Variants in SLC2A3 observed in about 807,000 individuals in gnomAD.
SLC2A3 encodes the protein solute carrier family 2 member 3.
In SLC2A3, 21 loss-of-function variants were observed where a neutral mutation model predicts 46.4. The ratio of observed to expected loss-of-function variants is 0.45; its 90% CI spans 0.32 to 0.65. The LOEUF is 0.65. Ranked by LOEUF, SLC2A3 falls within the 30% of genes least tolerant of loss-of-function variation. SLC2A3 has a pLI of 0.04. For synonymous variants in SLC2A3, 213 were observed against 239.4 expected, an observed-to-expected ratio of 0.89 and a Z score of 1.02; for missense variants, 499 against 623.3, an observed-to-expected ratio of 0.80 and a Z score of 2.12.
At chr12:7,929,407 C>A in intron 6 of SLC2A3, 1 of 426,444 alleles carries the variant, frequency 2.3e-6, no homozygotes, top group Non-Finnish European at 4.1e-6. Flanking sequence ...TAAAAACAGA[C>A]TGGTAAAGTC....
At position 7,930,542 on chromosome 12, in the gene SLC2A3, A is replaced by T. The variant is rs1459332674; in HGVS notation, c.611T>A (p.Phe204Tyr). 5 of 1,613,916 alleles carry T rather than the reference A, an allele frequency of 3.1e-6. No homozygotes were observed. The highest frequency in any genetic ancestry group is 4.2e-6 in the Non-Finnish European group (5 of 1,179,926). ...CAAAAATCTGGGACTTTCAGGGCAAAATGGAAGGGCTGCACTTTGTAGGAT... is the reference window on the plus strand; with the variant it reads ...CAAAAATCTGGGACTTTCAGGGCAATATGGAAGGGCTGCACTTTGTAGGAT... ...PAILQSAALP[F>Y]CPESPRFLLI... Residue 204 changes from phenylalanine to tyrosine, a missense_variant, in exon 5 of 10, where the codon TTT becomes TAT. This residue lies in a region of SLC2A3 where 248 missense variants were observed against 284.0 expected (regional missense o/e 0.87). Transcript: ENST00000075120.
intron 2 of SLC2A3, 112 bp downstream of exon 2, chr12:7,933,698 G>A: frequency 9.0e-7 from 1 of 1,115,266 alleles, no homozygotes; most frequent in South Asian, 1.4e-5. Flanking sequence ...GGAGTAGCTG[G>A]GACTCCAGGC....
At chr12:7,929,239 G>A (rs1669028739) in intron 6 of SLC2A3, among the ~76,000 whole-genome samples, 2 of 152,026 alleles carry the variant, frequency 1.3e-5, no homozygotes, top group South Asian at 4.2e-4. Flanking sequence ...GAAGGCACAG[G>A]AATACTCTCT....
At chr12:7,924,226 G>A (rs769974979) in intron 8 of SLC2A3, among the ~76,000 whole-genome samples, 184 bp downstream of exon 8, 4 of 152,152 alleles carry the variant, frequency 2.6e-5, no homozygotes, top group Admixed American at 1.3e-4. Flanking sequence ...ATAAATGTAA[G>A]GATTCTAACA....
intron 1 of SLC2A3, among the ~76,000 whole-genome samples, chr12:7,934,828 C>G (rs1946196524): frequency 6.6e-6 from 1 of 152,168 alleles, no homozygotes; most frequent in Non-Finnish European, 1.5e-5. Context: ...GTCTCAGTCC[C>G]AGCTAAGCAT....
rs1459206543 is a variant in SLC2A3, at chr12:7,923,942, A to G, written c.1068+468T>C. On this transcript the variant is annotated intron_variant, in intron 8 of 9. Transcript: ENST00000075120. ...CACCACCACTCCTGGCTAATTTTCT[A>G]TTTTTAATAGAGACGGGGTTTCTCC... Among the ~76,000 whole-genome samples the G allele has an allele frequency of 4.6e-5, 7 of 151,142 alleles. 1 individual carries two copies. The highest frequency in any genetic ancestry group is 6.6e-5 in the Admixed American group (1 of 15,154).
chr12:7,931,880 ATTTTTT>A (rs58764879), intron 3 of SLC2A3, among the ~76,000 whole-genome samples: 2 of 108,098 alleles, frequency 1.9e-5, no homozygotes. Context: ...TCTAATTGGC[ATTTTTT>A]TTTTTTTTTT....
chr12:7,928,113 G>T (rs979902066), intron 6 of SLC2A3, among the ~76,000 whole-genome samples: 6 of 150,704 alleles, frequency 4.0e-5, no homozygotes, highest in Non-Finnish European at 8.9e-5. Context: ...CTCAAAAAAA[G>T]GATGGGCCAG....
chr12:7,925,229 T>A (rs1461683453), intron 7 of SLC2A3: 4 of 152,550 alleles, frequency 2.6e-5, no homozygotes. Context: ...AGGAAACAAT[T>A]TTCCTGAGTT....
Position 7,922,922 on chromosome 12 carries a change from C to T in SLC2A3, c.1171G>A (p.Glu391Lys). ...GGGCGGGGGCCCTGGCTGAAGAGTTCGGCCACAATAAACCAGGGAATGGGG... is the reference window on the plus strand; with the variant it reads ...GGGCGGGGGCCCTGGCTGAAGAGTTTGGCCACAATAAACCAGGGAATGGGG... Reference protein sequence around the residue: ...PGPIPWFIVAELFSQGPRPAA... With the variant: ...PGPIPWFIVAKLFSQGPRPAA... Residue 391 changes from glutamate to lysine, a missense_variant, in exon 9 of 10, where the codon GAA becomes AAA. By Grantham distance (56) the Glu-to-Lys change is moderately conservative. This residue lies in a region of SLC2A3 where 179 missense variants were observed against 205.1 expected (regional missense o/e 0.87). Transcript: ENST00000075120. 5 of 1,614,122 alleles carry T rather than the reference C, an allele frequency of 3.1e-6. No individual in the cohort carries two copies. The highest frequency in any genetic ancestry group is 4.2e-6 in the Non-Finnish European group (5 of 1,180,032).
intron 6 of SLC2A3, among the ~76,000 whole-genome samples, chr12:7,926,713 G>C (rs1946099023): frequency 6.6e-6 from 1 of 152,062 alleles, no homozygotes; most frequent in Non-Finnish European, 1.5e-5. Context: ...AACATTGATA[G>C]GGACATCGAT....
At chr12:7,924,672 C>T (rs1946075649) in intron 7 of SLC2A3, among the ~76,000 whole-genome samples, 161 bp from the exon 8 acceptor site, 1 of 136,108 alleles carries the variant, frequency 7.3e-6, no homozygotes, top group Non-Finnish European at 1.5e-5. Flanking sequence ...ATTCACAGGT[C>T]CTGGCTCAAA....
chr12:7,930,469 AG>A lies in SLC2A3; in HGVS notation c.673+10del, dbSNP rs1315911087. ...ATATAATTCATGTAGTAAGGTGTGA[AG>A]GATACTCACTCTGCTTAGCATTCTC... On this transcript the variant is annotated intron_variant, in intron 5 of 9. Coordinates refer to ENST00000075120, the MANE Select transcript of SLC2A3 (RefSeq NM_006931.3). 1 of 1,611,720 alleles carries A rather than the reference AG, an allele frequency of 6.2e-7. No individual in the cohort carries two copies. Among genetic ancestry groups the A allele is most frequent in the Admixed American group, 1.7e-5 (1 of 59,908 alleles).
At chr12:7,933,712 T>C (rs750954006) in intron 2 of SLC2A3, 98 bp downstream of exon 2, 10 of 1,293,132 alleles carry the variant, frequency 7.7e-6, no homozygotes, top group Admixed American at 5.9e-5. Flanking sequence ...TCCAGGCAGA[T>C]GCCACCATGC....
rs1425714525 is a variant in SLC2A3, at chr12:7,933,062, A to C, written c.194T>G (p.Leu65Trp). ...CCCGACGGAAAATATGGCCACAGAC[A>C]AGGACCAGAGAGACGTGAGCAGCAC... ...SEVLLTSLWS[L>W]SVAIFSVGGM... Residue 65 changes from leucine (L) to tryptophan (W), a missense_variant, in exon 3 of 10, where the codon TTG becomes TGG. Leu to Trp is a moderately conservative substitution (Grantham distance 61). Coordinates refer to ENST00000075120, the MANE Select transcript of SLC2A3 (RefSeq NM_006931.3). 6.2e-7 allele frequency: 1 copy of C among 1,614,110 alleles called. No homozygotes were observed. Among genetic ancestry groups the C allele is most frequent in the Admixed American group, 1.7e-5 (1 of 60,014 alleles).
intron 8 of SLC2A3, 22 bp from the exon 9 acceptor site, chr12:7,923,046 A>G (rs1461676724): frequency 6.3e-7 from 1 of 1,598,372 alleles, no homozygotes; most frequent in Non-Finnish European, 8.5e-7. Context: ...AGGAACAGAG[A>G]AAATTAAATT....
chr12:7,923,301 T>C (rs1351825435), intron 8 of SLC2A3: 1 of 337,856 alleles, frequency 3.0e-6, no homozygotes, highest in Non-Finnish European at 5.4e-6. Flanking sequence ...CTCAAATCGC[T>C]TGGACTTGAA....
intron 7 of SLC2A3, among the ~76,000 whole-genome samples, chr12:7,925,101 C>T (rs1321879539): frequency 1.3e-5 from 2 of 152,294 alleles, no homozygotes; most frequent in Non-Finnish European, 2.9e-5. Context: ...GCTAGGAGTG[C>T]ACCCCAACCC....
intron 6 of SLC2A3, 116 bp from the exon 7 acceptor site, chr12:7,926,064 T>C: frequency 2.5e-6 from 2 of 805,062 alleles, no homozygotes; most frequent in South Asian, 1.5e-5. Flanking sequence ...TAGGTTTTCG[T>C]TCAATACTAA....
Sources: gnomAD v4.1 joint callset for allele counts (sites outside exome capture counted in the v4.1 genomes callset) on GRCh38, gnomAD v4.1.1 for gene constraint, gnomAD v4.1.1 regional missense constraint, MANE v1.5 for transcripts, NCBI Gene and HGNC (gene_info 2026-07-23, HGNC 2026-07-21) for gene names.